UGT1A10: variants seen among roughly 807,000 people sequenced by gnomAD.
UGT1A10 encodes the protein UDP-glucuronosyltransferase 1A10.
A neutral mutation model predicts 45.8 loss-of-function variants in UGT1A10; 49 were observed. The ratio of observed to expected loss-of-function variants is 1.07; its 90% CI spans 0.85 to 1.36. The LOEUF (loss-of-function observed/expected upper bound fraction) is 1.36, where lower values mean the gene tolerates loss of function less well. Ranked by LOEUF, UGT1A10 falls within the 40% of genes most tolerant of loss-of-function variation. The probability of loss-of-function intolerance (pLI) is 0.00; values close to 1 mark genes in which losing one functional copy is unlikely to be tolerated. For synonymous variants in UGT1A10, 284 were observed against 249.7 expected (o/e 1.14, Z -1.29); for missense variants, 745 against 668.6 (o/e 1.11, Z -1.26).
At chr2:233,710,115 A>G (rs893125618) in intron 1 of UGT1A10, among the ~76,000 whole-genome samples, 1 of 152,072 alleles carries the variant, frequency 6.6e-6, no homozygotes, top group Non-Finnish European at 1.5e-5. Flanking sequence ...ATTCGTTTCT[A>G]TTTCCGAGTA....
intron 1 of UGT1A10, among the ~76,000 whole-genome samples, chr2:233,677,580 T>C (rs781203601): frequency 1.3e-5 from 2 of 152,140 alleles, no homozygotes; most frequent in Non-Finnish European, 2.9e-5. Flanking sequence ...GAAAAAATGC[T>C]CAACATCACT....
chr2:233,647,537 T>A (rs993169928), intron 1 of UGT1A10, among the ~76,000 whole-genome samples: 2 of 152,208 alleles, frequency 1.3e-5, no homozygotes, highest in Non-Finnish European at 2.9e-5. Context: ...GTGGGAACAT[T>A]TGAAGTCAAA....
At chr2:233,748,322 T>C (rs905546123) in intron 1 of UGT1A10, among the ~76,000 whole-genome samples, 5 of 151,864 alleles carry the variant, frequency 3.3e-5, no homozygotes, top group African/African-American at 4.9e-5. Context: ...CTAGGACTGA[T>C]GTGACTCATG....
At chr2:233,759,153 G>A (rs1244080154) in intron 1 of UGT1A10, among the ~76,000 whole-genome samples, 1 of 152,246 alleles carries the variant, frequency 6.6e-6, no homozygotes, top group Non-Finnish European at 1.5e-5. Flanking sequence ...GAGTTCCACA[G>A]AACACAAGGC....
rs767483704 is a variant in UGT1A10, at chr2:233,711,800, C to T, written c.856-55234C>T. On this transcript the variant is annotated intron_variant, in intron 1 of 4. Transcript: ENST00000344644. Reference sequence around the variant, plus strand: ...AAGTGTGCACAGCCCAGAGAGCCTGCCCACATCATCCTGGGGCGACCAGGA... The same window carrying T: ...AAGTGTGCACAGCCCAGAGAGCCTGTCCACATCATCCTGGGGCGACCAGGA... 4.5e-4 allele frequency among the ~76,000 whole-genome samples: 69 copies of T among 152,310 alleles called. 1 individual carries two copies. The highest frequency in any genetic ancestry group is 3.9e-4 in the East Asian group (2 of 5,182).
chr2:233,678,125 T>A (rs1322268518), intron 1 of UGT1A10, among the ~76,000 whole-genome samples: 2 of 152,130 alleles, frequency 1.3e-5, no homozygotes, highest in East Asian at 1.9e-4. Context: ...GTGGGTACTT[T>A]TGGGCATAAA....
chr2:233,703,244 G>T (rs893110663), intron 1 of UGT1A10, among the ~76,000 whole-genome samples: 31 of 152,172 alleles, frequency 2.0e-4, no homozygotes, highest in African/African-American at 7.2e-4. Context: ...AAATGGCCCA[G>T]AGTGTTCCCT....
chr2:233,693,130 G>T, intron 1 of UGT1A10: 1 of 1,614,242 alleles, frequency 6.2e-7, no homozygotes, highest in South Asian at 1.1e-5. Context: ...GGCTTAGTAT[G>T]AAGGATATAG....
At chr2:233,700,037 A>T (rs1478316932) in intron 1 of UGT1A10, among the ~76,000 whole-genome samples, 1 of 152,206 alleles carries the variant, frequency 6.6e-6, no homozygotes, top group Non-Finnish European at 1.5e-5. Context: ...ACTCTGATCT[A>T]AATCAATTCC....
chr2:233,673,429 C>T (rs2074258544), intron 1 of UGT1A10, among the ~76,000 whole-genome samples: 1 of 152,044 alleles, frequency 6.6e-6, no homozygotes, highest in Admixed American at 6.6e-5. Context: ...ATGAATAGGG[C>T]CGTGTAAACA....
intron 1 of UGT1A10, among the ~76,000 whole-genome samples, chr2:233,720,963 G>A (rs547406331): frequency 4.6e-4 from 69 of 150,328 alleles, no homozygotes; most frequent in African/African-American, 7.4e-4. Flanking sequence ...TGCCCGCCTC[G>A]GCCTCCCAAA....
At chr2:233,772,179 C>T (rs540394959) in intron 4 of UGT1A10, 83 bp from the exon 5 acceptor site, 1 of 1,585,310 alleles carries the variant, frequency 6.3e-7, no homozygotes, top group East Asian at 2.3e-5. Context: ...ATCTGGTAGT[C>T]TTCTTAAGCA....
At chr2:233,760,987 G>T in intron 1 of UGT1A10, 1 of 1,614,140 alleles carries the variant, frequency 6.2e-7, no homozygotes. Context: ...TGCAACCCTT[G>T]CCTCAGAATT....
intron 1 of UGT1A10, among the ~76,000 whole-genome samples, chr2:233,688,668 C>CT (rs201041759): frequency 1.3e-5 from 2 of 152,236 alleles, no homozygotes; most frequent in Admixed American, 6.5e-5. Context: ...GCAGCTGGCT[C>CT]TTTTTTAAAA....
intron 1 of UGT1A10, chr2:233,747,152 G>A (rs1023956856): frequency 1.3e-6 from 2 of 1,577,494 alleles, no homozygotes; most frequent in African/African-American, 1.4e-5. Context: ...TTAAGATGAA[G>A]AAAACAAATG....
intron 1 of UGT1A10, among the ~76,000 whole-genome samples, chr2:233,727,711 C>T (rs1575572304): frequency 1.3e-5 from 2 of 152,204 alleles, no homozygotes; most frequent in East Asian, 3.8e-4. Context: ...TTCCCAAAGC[C>T]CTTGCAGACC....
intron 1 of UGT1A10, among the ~76,000 whole-genome samples, chr2:233,757,560 A>ATATATATATATACATATATATATG (rs904896556): frequency 8.1e-6 from 1 of 123,146 alleles, no homozygotes; most frequent in African/African-American, 3.4e-5. Flanking sequence ...ATATATATAT[A>ATATATATATATACATATATATATG]TGTATATATG....
chr2:233,660,425 A>G (rs993871977), intron 1 of UGT1A10, among the ~76,000 whole-genome samples: 14 of 152,194 alleles, frequency 9.2e-5, no homozygotes, highest in African/African-American at 3.1e-4. Context: ...GGCATTGTCC[A>G]ATATCAAAAG....
chr2:233,745,551 C>G (rs548824716), intron 1 of UGT1A10, among the ~76,000 whole-genome samples: 2 of 151,716 alleles, frequency 1.3e-5, no homozygotes, highest in Admixed American at 6.5e-5. Context: ...GAACAAACTT[C>G]TAAGTTTATA....
Sources: gnomAD v4.1 joint callset for allele counts (sites outside exome capture counted in the v4.1 genomes callset) on GRCh38, gnomAD v4.1.1 for gene constraint, MANE v1.5 for transcripts, NCBI Gene and HGNC (gene_info 2026-07-23, HGNC 2026-07-21) for gene names.